The following FAM13C variants were observed in gnomAD, a reference collection of about 807,000 sequenced individuals.
The protein encoded by FAM13C is family with sequence similarity 13 member C.
FAM13C carries 37 observed loss-of-function variants against 73.2 expected under a neutral mutation model. The observed-to-expected ratio is 0.51, with a 90% CI of 0.39 to 0.67. FAM13C has a LOEUF of 0.67. Among genes scored for constraint, FAM13C ranks in the 30% least tolerant of loss-of-function variants. The pLI is 0.00. For synonymous variants in FAM13C, 246 were observed against 260.9 expected (o/e 0.94, Z 0.55); for missense variants, 589 against 715.6 (o/e 0.82, Z 2.02).
At chr10:59,269,835 G>A in intron 7 of FAM13C, 64 bp downstream of exon 7, 1 of 1,548,070 alleles carries the variant, frequency 6.5e-7, no homozygotes, top group East Asian at 2.3e-5. Context: ...CTTCATTGTA[G>A]CTTATAAATG....
At chr10:59,293,650 G>T (rs1260557903) in intron 5 of FAM13C, among the ~76,000 whole-genome samples, 1 of 152,030 alleles carries the variant, frequency 6.6e-6, no homozygotes, top group African/African-American at 2.4e-5. Context: ...CTATAAACTT[G>T]AGTTTTATAA....
intron 10 of FAM13C, among the ~76,000 whole-genome samples, chr10:59,262,122 C>T (rs945897486): frequency 1.3e-5 from 2 of 152,068 alleles, no homozygotes; most frequent in Non-Finnish European, 2.9e-5. Flanking sequence ...ATGCCTATTT[C>T]CTAGTCTTGG....
chr10:59,286,920 G>T (rs1453739176), intron 5 of FAM13C, among the ~76,000 whole-genome samples: 2 of 151,066 alleles, frequency 1.3e-5, no homozygotes, highest in African/African-American at 4.9e-5. Flanking sequence ...TGTAATCCCA[G>T]CTACTTAGGA....
chr10:59,339,634 C>T (rs1355950749), intron 3 of FAM13C, among the ~76,000 whole-genome samples: 1 of 152,170 alleles, frequency 6.6e-6, no homozygotes, highest in African/African-American at 2.4e-5. Context: ...AAAACAAAGG[C>T]TCCCTTAGGC....
At chr10:59,310,482 C>CCA (rs975673295) in intron 4 of FAM13C, among the ~76,000 whole-genome samples, 11 of 152,156 alleles carry the variant, frequency 7.2e-5, no homozygotes, top group Admixed American at 6.5e-4. Flanking sequence ...AGAGTCGAAG[C>CCA]CACATTGAAG....
chr10:59,293,024 C>G (rs1202729223), intron 5 of FAM13C, among the ~76,000 whole-genome samples: 3 of 151,492 alleles, frequency 2.0e-5, no homozygotes, highest in Admixed American at 2.0e-4. Context: ...CATCTAGTAA[C>G]CACTATTCTA....
intron 1 of FAM13C, chr10:59,361,182 T>C: frequency 9.7e-7 from 1 of 1,026,902 alleles, no homozygotes; most frequent in South Asian, 1.4e-5. Context: ...CAAATGAGTA[T>C]TTTACATTGC....
chr10:59,337,655 T>C (rs73299260), intron 3 of FAM13C, among the ~76,000 whole-genome samples: 22,110 of 143,350 alleles, frequency 0.15, 1,749 homozygotes, highest in East Asian at 0.32. Context: ...CCATTTTCTT[T>C]TTTTTCTTTT....
chr10:59,284,886 C>T lies in FAM13C; in HGVS notation c.508-1439G>A, dbSNP rs146265650. 5.0e-3 allele frequency among the ~76,000 whole-genome samples: 766 copies of T among 152,096 alleles called. 5 individuals are homozygous for T. The highest frequency in any genetic ancestry group is 6.1e-3 in the Non-Finnish European group (416 of 67,996). ...CCCATGCCTTCACATACTGTCCACA[C>T]ACACACACCTGCTCCATACACACCT... is the stretch of plus-strand genomic sequence containing the variant. On this transcript the variant is annotated intron_variant, in intron 5 of 13. Coordinates refer to ENST00000618804, the MANE Select transcript of FAM13C (RefSeq NM_198215.4).
intron 3 of FAM13C, among the ~76,000 whole-genome samples, chr10:59,350,773 C>A (rs985360273): frequency 2.0e-5 from 3 of 152,074 alleles, no homozygotes; most frequent in Non-Finnish European, 4.4e-5. Context: ...ACCTGCCCAG[C>A]CAAAGTTGTT....
At chr10:59,338,152 T>C (rs1030101668) in intron 3 of FAM13C, among the ~76,000 whole-genome samples, 7 of 152,174 alleles carry the variant, frequency 4.6e-5, no homozygotes, top group African/African-American at 1.7e-4. Flanking sequence ...AGGTGGGTCA[T>C]ATTATCCCTC....
intron 4 of FAM13C, among the ~76,000 whole-genome samples, chr10:59,307,420 T>G (rs551146987): frequency 6.6e-6 from 1 of 152,176 alleles, no homozygotes; most frequent in Non-Finnish European, 1.5e-5. Flanking sequence ...TCACCAGCCC[T>G]TACTACCCCA....
At position 59,246,478 on chromosome 10, in the gene FAM13C, A is replaced by AAAC; in HGVS notation, c.*1133_*1135dup. 1 of 385,912 alleles carries AAAC rather than the reference A, an allele frequency of 2.6e-6. No homozygotes were observed. Among genetic ancestry groups the AAAC allele is most frequent in the East Asian group, 3.7e-5 (1 of 27,264 alleles). 23.9% of individuals were successfully genotyped at this position (385,912 alleles called of 1,614,324 possible). ...TGTGAATTTCTTCAACATCATACTT[A>AAAC]AACATTACAGAAAATAGAAATACAA... On this transcript the variant is annotated 3_prime_UTR_variant, in exon 14 of 14. Coordinates refer to ENST00000618804, the MANE Select transcript of FAM13C (RefSeq NM_198215.4).
chr10:59,355,607 G>A lies in FAM13C; in HGVS notation c.119+280C>T, dbSNP rs537324457. On this transcript the variant is annotated intron_variant, in intron 2 of 13. Coordinates refer to ENST00000618804, the MANE Select transcript of FAM13C (RefSeq NM_198215.4). ...ATAATCTACAGCCTCTTCCTTTAGG[G>A]TGTGTGATGAGAATATTGAGATAGG... Among the ~76,000 whole-genome samples, 5 of 152,262 alleles carry A rather than the reference G, an allele frequency of 3.3e-5. No individual in the cohort carries two copies. In the East Asian group the frequency reaches 9.6e-4, roughly 29 times the overall value.
intron 13 of FAM13C, among the ~76,000 whole-genome samples, chr10:59,249,951 A>G (rs889755765): frequency 7.2e-5 from 11 of 152,234 alleles, no homozygotes; most frequent in Non-Finnish European, 1.5e-4. Flanking sequence ...CTAGTAGCAC[A>G]CTGGGAAGTT....
chr10:59,293,542 G>A (rs890850325), intron 5 of FAM13C, among the ~76,000 whole-genome samples: 1 of 152,070 alleles, frequency 6.6e-6, no homozygotes, highest in Non-Finnish European at 1.5e-5. Context: ...TTGTATATAA[G>A]TACCATATTT....
intron 5 of FAM13C, among the ~76,000 whole-genome samples, chr10:59,290,822 G>A (rs562415927): frequency 2.0e-5 from 3 of 152,332 alleles, no homozygotes; most frequent in African/African-American, 7.2e-5. Flanking sequence ...GGCTGCCATT[G>A]TATCTGAGTT....
At chr10:59,362,374 A>G (rs756942112) in intron 1 of FAM13C, 25 bp downstream of exon 1, 6 of 1,612,528 alleles carry the variant, frequency 3.7e-6, no homozygotes, top group Non-Finnish European at 4.2e-6. Flanking sequence ...ATGCAAGTCT[A>G]ATTTTAATGG....
intron 3 of FAM13C, among the ~76,000 whole-genome samples, chr10:59,349,704 A>G (rs1165488830): frequency 1.3e-5 from 2 of 152,188 alleles, no homozygotes; most frequent in African/African-American, 4.8e-5. Flanking sequence ...CGGAGGTTGC[A>G]GTGAGCCATG....
Sources: gnomAD v4.1 joint callset for allele counts (sites outside exome capture counted in the v4.1 genomes callset) on GRCh38, gnomAD v4.1.1 for gene constraint, MANE v1.5 for transcripts, NCBI Gene and HGNC (gene_info 2026-07-23, HGNC 2026-07-21) for gene names.